CDK6: variants seen among roughly 807,000 people sequenced by gnomAD.
CDK6 encodes the protein cyclin-dependent kinase 6.
CDK6 carries 6 observed loss-of-function variants against 37.1 expected under a neutral mutation model. The ratio of observed to expected loss-of-function variants is 0.16; its 90% CI spans 0.09 to 0.32. The LOEUF (loss-of-function observed/expected upper bound fraction) is 0.32. CDK6 is among the 10% of genes least tolerant of loss of function. CDK6 has a pLI of 1.00. For missense variants in CDK6, 224 were observed against 418.9 expected (o/e 0.53, Z 4.06); for synonymous variants, 160 against 161.3 (o/e 0.99, Z 0.06).
intron 5 of CDK6, among the ~76,000 whole-genome samples, chr7:92,653,475 G>C (rs1183423224): frequency 6.6e-6 from 1 of 152,200 alleles, no homozygotes; most frequent in African/African-American, 2.4e-5. Context: ...CCAAGACATA[G>C]AAAAGGGAAT....
At chr7:92,761,525 T>C (rs1425717212) in intron 3 of CDK6, among the ~76,000 whole-genome samples, 1 of 152,160 alleles carries the variant, frequency 6.6e-6, no homozygotes, top group Non-Finnish European at 1.5e-5. Context: ...AGTATCTCCA[T>C]TATTTCACTC....
At chr7:92,736,429 T>C (rs1372962232) in intron 3 of CDK6, among the ~76,000 whole-genome samples, 1 of 152,150 alleles carries the variant, frequency 6.6e-6, no homozygotes, top group African/African-American at 2.4e-5. Context: ...ACATACTTCA[T>C]GTCAGTATGT....
rs368077170 is a variant in CDK6, at chr7:92,716,560, T to C, written c.537+9066A>G. ...CCAATGTTACAGAATTTGAGAAACA[T>C]TATCTTGACTCAGAAACTTACACTA... is the stretch of plus-strand genomic sequence containing the variant. On this transcript the variant is annotated intron_variant, in intron 4 of 7. Transcript: ENST00000424848. Among the ~76,000 whole-genome samples the C allele has an allele frequency of 1.0e-3, 157 of 152,318 alleles. 1 individual carries two copies. Among genetic ancestry groups the C allele is most frequent in the African/African-American group, 3.6e-3 (149 of 41,566 alleles).
At chr7:92,804,599 G>GT (rs1800673326) in intron 2 of CDK6, among the ~76,000 whole-genome samples, 1 of 152,116 alleles carries the variant, frequency 6.6e-6, no homozygotes, top group African/African-American at 2.4e-5. Flanking sequence ...AATGCTAGAT[G>GT]GTTGGACTTA....
intron 2 of CDK6, among the ~76,000 whole-genome samples, chr7:92,806,052 T>TA (rs1800716079): frequency 6.6e-6 from 1 of 152,204 alleles, no homozygotes; most frequent in Non-Finnish European, 1.5e-5. Flanking sequence ...ATTATACATT[T>TA]AAAAATGATT....
intron 7 of CDK6, among the ~76,000 whole-genome samples, chr7:92,615,641 C>T (rs1204630309): frequency 3.3e-5 from 5 of 152,348 alleles, no homozygotes; most frequent in Non-Finnish European, 4.4e-5. Flanking sequence ...CTCAAGGCTA[C>T]ACCACTCAGA....
At chr7:92,738,811 T>A (rs912732532) in intron 3 of CDK6, among the ~76,000 whole-genome samples, 1 of 151,332 alleles carries the variant, frequency 6.6e-6, no homozygotes, top group African/African-American at 2.5e-5. Context: ...GATACCCCTG[T>A]CTAAAATGTC....
intron 2 of CDK6, among the ~76,000 whole-genome samples, chr7:92,815,677 A>G (rs2115959547): frequency 6.6e-6 from 1 of 152,262 alleles, no homozygotes; most frequent in South Asian, 2.1e-4. Context: ...CCAGCTGGGT[A>G]GGCAGAGATC....
Position 92,777,216 on chromosome 7 carries a change from T to TA in CDK6, c.234-2386dup, listed in dbSNP as rs544300388. On this transcript the variant is annotated intron_variant, in intron 2 of 7. Coordinates refer to ENST00000424848, the MANE Select transcript of CDK6 (RefSeq NM_001145306.2). ...TTGTCAAAGATCAGATGGTTGTAGA[T>TA]ATGTGTCATTCTTTCTTGTTTTTTT... Among the ~76,000 whole-genome samples the TA allele has an allele frequency of 4.3e-3, 648 of 152,268 alleles. 1 individual carries two copies. Among genetic ancestry groups the TA allele is most frequent in the Non-Finnish European group, 6.9e-3 (470 of 68,022 alleles).
At chr7:92,822,132 A>T (rs1461685572) in intron 2 of CDK6, among the ~76,000 whole-genome samples, 1 of 152,128 alleles carries the variant, frequency 6.6e-6, no homozygotes, top group Non-Finnish European at 1.5e-5. Context: ...AGAGAATCTT[A>T]AACCATGTTC....
chr7:92,757,597 T>C (rs1242881267), intron 3 of CDK6, among the ~76,000 whole-genome samples: 1 of 152,238 alleles, frequency 6.6e-6, no homozygotes, highest in East Asian at 1.9e-4. Flanking sequence ...TTATTATGAA[T>C]AGTGCTGCAA....
At chr7:92,700,184 A>G (rs1410956774) in intron 4 of CDK6, among the ~76,000 whole-genome samples, 1 of 152,222 alleles carries the variant, frequency 6.6e-6, no homozygotes, top group African/African-American at 2.4e-5. Context: ...ACCAGATAAC[A>G]GGACCCCAAG....
At chr7:92,780,772 A>AC (rs1799968776) in intron 2 of CDK6, among the ~76,000 whole-genome samples, 1 of 151,458 alleles carries the variant, frequency 6.6e-6, no homozygotes, top group Non-Finnish European at 1.5e-5. Flanking sequence ...TCAAAAAAAA[A>AC]AAAAAAACAA....
At chr7:92,779,250 C>T (rs965399522) in intron 2 of CDK6, among the ~76,000 whole-genome samples, 1 of 152,108 alleles carries the variant, frequency 6.6e-6, no homozygotes, top group African/African-American at 2.4e-5. Flanking sequence ...AACTGGACTC[C>T]AGGCCTCAGT....
At chr7:92,713,881 A>G (rs541890452) in intron 4 of CDK6, among the ~76,000 whole-genome samples, 20 of 152,300 alleles carry the variant, frequency 1.3e-4, no homozygotes, top group African/African-American at 4.6e-4. Context: ...GGATGCAGAT[A>G]CAAACCACAA....
intron 3 of CDK6, among the ~76,000 whole-genome samples, chr7:92,734,443 T>C (rs1233517831): frequency 1.3e-5 from 2 of 152,216 alleles, no homozygotes; most frequent in African/African-American, 2.4e-5. Flanking sequence ...CCCTGCCTCC[T>C]GGTACTCTGT....
At chr7:92,793,881 G>T (rs531057620) in intron 2 of CDK6, among the ~76,000 whole-genome samples, 1 of 152,212 alleles carries the variant, frequency 6.6e-6, no homozygotes, top group African/African-American at 2.4e-5. Context: ...GTGGGGAATG[G>T]CTGCTAATGG....
chr7:92,710,536 A>G (rs1244892220), intron 4 of CDK6: 1 of 194,982 alleles, frequency 5.1e-6, no homozygotes, highest in Non-Finnish European at 9.3e-6. Flanking sequence ...CAGACTTCTT[A>G]TATCAGATTT....
chr7:92,730,587 T>C (rs564641769), intron 3 of CDK6, among the ~76,000 whole-genome samples: 3 of 152,344 alleles, frequency 2.0e-5, no homozygotes, highest in African/African-American at 7.2e-5. Flanking sequence ...TCTGTTTCTA[T>C]GAATCTGACA....
Sources: gnomAD v4.1 joint callset for allele counts (sites outside exome capture counted in the v4.1 genomes callset) on GRCh38, gnomAD v4.1.1 for gene constraint, MANE v1.5 for transcripts, NCBI Gene and HGNC (gene_info 2026-07-23, HGNC 2026-07-21) for gene names.